P2RX7: variants seen among roughly 807,000 people sequenced by gnomAD.
P2RX7 encodes the protein P2X purinoceptor 7.
P2RX7 carries 62 observed loss-of-function variants against 71.6 expected under a neutral mutation model. The ratio of observed to expected loss-of-function variants is 0.87; its 90% CI spans 0.71 to 1.07. P2RX7 has a LOEUF of 1.07. Among genes scored for constraint, P2RX7 ranks in the 50% least tolerant of loss-of-function variants. The probability of loss-of-function intolerance (pLI) is 0.00; values close to 1 mark genes in which losing one functional copy is unlikely to be tolerated. For synonymous variants in P2RX7, 299 were observed against 283.3 expected (o/e 1.06, Z -0.56); for missense variants, 686 against 748.5 (o/e 0.92, Z 0.97).
chr12:121,166,102 A>C lies in P2RX7; in HGVS notation c.659A>C (p.Lys220Thr). 6.2e-7 allele frequency: 1 copy of C among 1,613,898 alleles called. No homozygotes were observed. Among genetic ancestry groups the C allele is most frequent in the Non-Finnish European group, 8.5e-7 (1 of 1,179,778 alleles). The change falls in exon 7 of 13, where the codon AAG becomes ACG. Residue 220 changes from lysine to threonine, a missense_variant. Physicochemically the swap from Lys to Thr is moderately conservative, Grantham distance 78 (BLOSUM62 -1). Transcript: ENST00000328963. Reference protein sequence around the residue: ...PGLNITCTFHKTQNPQCPIFR... With the variant: ...PGLNITCTFHTTQNPQCPIFR... The stretch of plus-strand genomic sequence containing the variant: ...TTAAACATCACTTGTACCTTCCACA[A>C]GACTCAGAATCCACAGTGTCCCATT...
At chr12:121,169,156 C>A (rs1021650907) in intron 8 of P2RX7, among the ~76,000 whole-genome samples, 1 of 151,968 alleles carries the variant, frequency 6.6e-6, no homozygotes, top group Admixed American at 6.6e-5. Flanking sequence ...TTTGTAGAGT[C>A]GGGGTCTCAC....
chr12:121,181,417 T>A (rs1226903616), intron 12 of P2RX7, among the ~76,000 whole-genome samples: 4 of 152,186 alleles, frequency 2.6e-5, no homozygotes, highest in Admixed American at 1.3e-4. Context: ...TGCTGAGTCA[T>A]AAGGCAGACA....
At chr12:121,178,978 T>TAC (rs142401513) in intron 11 of P2RX7, among the ~76,000 whole-genome samples, 2,520 of 150,928 alleles carry the variant, frequency 0.017, 72 homozygotes, top group African/African-American at 0.059. Context: ...TACACAAGTG[T>TAC]ACACACACAC....
intron 1 of P2RX7, among the ~76,000 whole-genome samples, chr12:121,136,023 A>AAAAAAAAAAAAAAATATATATATATATAT: frequency 6.6e-5 from 1 of 15,260 alleles, no homozygotes; most frequent in Non-Finnish European, 1.8e-4. Context: ...AAAAAAAAAA[A>AAAAAAAAAAAAAAATATATATATATATAT]ATATATATAT....
chr12:121,176,716 C>T (rs1015921996), intron 9 of P2RX7, among the ~76,000 whole-genome samples: 1 of 145,706 alleles, frequency 6.9e-6, no homozygotes, highest in Admixed American at 7.0e-5. Flanking sequence ...TGCGCCACTG[C>T]ACTCCAGCCT....
At chr12:121,153,975 A>C (rs746212742) in intron 1 of P2RX7, among the ~76,000 whole-genome samples, 1 of 152,084 alleles carries the variant, frequency 6.6e-6, no homozygotes, top group African/African-American at 2.4e-5. Flanking sequence ...AATAAAAACT[A>C]GCTGAGCATG....
chr12:121,140,671 A>T (rs1458348859), intron 1 of P2RX7, among the ~76,000 whole-genome samples: 1 of 152,186 alleles, frequency 6.6e-6, no homozygotes, highest in Non-Finnish European at 1.5e-5. Flanking sequence ...TTGAGGACTA[A>T]CACGGAACTG....
intron 8 of P2RX7, among the ~76,000 whole-genome samples, chr12:121,170,499 G>A (rs1282393413): frequency 6.6e-6 from 1 of 152,242 alleles, no homozygotes; most frequent in African/African-American, 2.4e-5. Flanking sequence ...TGAGGGCCGG[G>A]AGCAGTGGCT....
chr12:121,141,451 C>T (rs945704851), intron 1 of P2RX7, among the ~76,000 whole-genome samples: 86 of 152,268 alleles, frequency 5.6e-4, no homozygotes, highest in African/African-American at 2.1e-3. Flanking sequence ...TTTTCACAGG[C>T]CCACAGCTGG....
In P2RX7 at chr12:121,184,361, A is replaced by C. The variant is rs201259331; in HGVS notation, c.1347A>C (p.Thr449=). The stretch of plus-strand genomic sequence containing the variant: ...GGCTGCCCCTGGCCCTCCATGACAC[A>C]CCCCCGATTCCTGGACAACCAGAGG... The part of the protein sequence containing the change: ...LSRLPLALHD[T]PPIPGQPEEI... The change falls in exon 13 of 13, where the codon ACA becomes ACC. Residue 449 remains threonine, a synonymous_variant. Transcript: ENST00000328963. 56 of 1,613,784 alleles carry C rather than the reference A, an allele frequency of 3.5e-5. 2 individuals carry two copies. The South Asian group carries it at 6.0e-4, about 17-fold the overall frequency.
At chr12:121,180,734 GGGTGGATCACTTGAGGTCA>G (rs996443340) in intron 12 of P2RX7, among the ~76,000 whole-genome samples, 4 of 152,052 alleles carry the variant, frequency 2.6e-5, no homozygotes, top group Non-Finnish European at 5.9e-5. Flanking sequence ...AGGCCAAGGT[GGGTGGATCACTTGAGGTCA>G]GGAGTTCGAG....
In P2RX7 at chr12:121,160,974, G is replaced by A. The variant is rs1445583938; in HGVS notation, c.436G>A (p.Gly146Arg). ...GGGATGGATGGACCCGCAGAGCAAAGGTACCTTCTGTTTCTTTTCCCGAGA... is the reference window on the plus strand; with the variant it reads ...GGGATGGATGGACCCGCAGAGCAAAAGTACCTTCTGTTTCTTTTCCCGAGA... Reference protein sequence around the residue: ...KKGWMDPQSKGIQTGRCVVYE... With the variant: ...KKGWMDPQSKRIQTGRCVVYE... Residue 146 changes from glycine (G) to arginine (R), a missense_variant and splice_region_variant, in exon 4 of 13, where the codon GGA (glycine) becomes AGA (arginine). Gly to Arg is a moderately radical substitution (Grantham distance 125). Coordinates refer to ENST00000328963, the MANE Select transcript of P2RX7 (RefSeq NM_002562.6). The A allele has an allele frequency of 1.2e-6, 2 of 1,612,544 alleles. No homozygotes were observed. The highest frequency in any genetic ancestry group is 1.1e-5 in the South Asian group (1 of 91,048).
At chr12:121,181,842 T>C (rs1330292954) in intron 12 of P2RX7, among the ~76,000 whole-genome samples, 1 of 151,700 alleles carries the variant, frequency 6.6e-6, no homozygotes, top group Non-Finnish European at 1.5e-5. Context: ...GGTGGGCGGA[T>C]CACCTGAGGT....
chr12:121,148,300 C>T (rs368040642), intron 1 of P2RX7, among the ~76,000 whole-genome samples: 6 of 151,056 alleles, frequency 4.0e-5, no homozygotes, highest in Admixed American at 1.3e-4. Flanking sequence ...CTGCAACCTC[C>T]GCCTCCCAGG....
At chr12:121,164,179 C>T (rs1440919127) in intron 5 of P2RX7, among the ~76,000 whole-genome samples, 2 of 152,158 alleles carry the variant, frequency 1.3e-5, no homozygotes, top group African/African-American at 4.8e-5. Context: ...GTGTGCCTGC[C>T]TCTGGGCTGG....
rs1258339962 is a variant in P2RX7, at chr12:121,175,404, A to C, written c.898A>C (p.Lys300Gln). 1.9e-6 allele frequency: 3 copies of C among 1,606,150 alleles called. No homozygotes were observed. The African/African-American group carries it at 4.0e-5, about 22-fold the overall frequency. ...TTCCTACAGATACGCCAAGTACTAC[A>C]AGGAAAACAATGTTGAGAAACGGAC... ...GYNFRYAKYY[K>Q]ENNVEKRTLI... is the part of the protein sequence containing the mutation. Residue 300 changes from lysine (K) to glutamine (Q), a missense_variant, in exon 9 of 13, where the codon AAG becomes CAG. By Grantham distance (53) the Lys-to-Gln change is moderately conservative. Coordinates refer to ENST00000328963, the MANE Select transcript of P2RX7 (RefSeq NM_002562.6).
chr12:121,161,657 T>A (rs1879743921), intron 4 of P2RX7, among the ~76,000 whole-genome samples: 1 of 151,748 alleles, frequency 6.6e-6, no homozygotes, highest in South Asian at 2.1e-4. Context: ...CCAGACATGG[T>A]GGCACACGCT....
At position 121,184,523 on chromosome 12, in the gene P2RX7, G is replaced by A. The variant is rs148973703; in HGVS notation, c.1509G>A (p.Pro503=). ...CLEELCCRKK[P]GACITTSELF... ...AGGAGCTGTGCTGCCGGAAAAAGCC[G>A]GGGGCCTGCATCACCACCTCAGAGC... The change falls in exon 13 of 13, where the codon CCG becomes CCA. Residue 503 remains proline, a synonymous_variant. Transcript: ENST00000328963. 89 of 1,614,074 alleles carry A rather than the reference G, an allele frequency of 5.5e-5. No homozygotes were observed. In the African/African-American group the frequency reaches 7.7e-4, roughly 14 times the overall value.
rs188359266 is a variant in P2RX7, at chr12:121,158,117, G to A, written c.363+1970G>A. ...CTGCCCATCAACACCCCTCTATCTC[G>A]GGTTGTCTCGGTAAATATGACCAAG... On this transcript the variant is annotated intron_variant, in intron 3 of 12. Transcript: ENST00000328963. Among the ~76,000 whole-genome samples the A allele has an allele frequency of 2.3e-4, 35 of 152,138 alleles. No individual in the cohort carries two copies. The East Asian group carries it at 5.2e-3, about 23-fold the overall frequency.
Sources: allele counts gnomAD v4.1 joint callset (sites outside exome capture counted in the v4.1 genomes callset), GRCh38; gene constraint gnomAD v4.1.1; transcripts MANE v1.5; gene names NCBI Gene and HGNC (gene_info 2026-07-23, HGNC 2026-07-21).